The following SAMSN1 variants were observed in gnomAD, a reference collection of about 807,000 sequenced individuals.
SAMSN1 encodes the protein SAM domain, SH3 domain and nuclear localization signals 1, also known as SAM domain-containing protein SAMSN-1.
A neutral mutation model predicts 42.0 loss-of-function variants in SAMSN1; 31 were observed. That is an observed-to-expected ratio of 0.74 (90% CI 0.55 to 1.00). The LOEUF is 1.00. SAMSN1 is among the 50% of genes least tolerant of loss of function. The pLI is 0.00. For missense variants in SAMSN1, 464 were observed against 439.4 expected, an observed-to-expected ratio of 1.06 and a Z score of -0.50; for synonymous variants, 178 against 151.9, an observed-to-expected ratio of 1.17 and a Z score of -1.26.
chr21:14,600,193 C>T (rs1305094084), intron 6 of SAMSN1, among the ~76,000 whole-genome samples: 3 of 152,210 alleles, frequency 2.0e-5, no homozygotes, highest in Non-Finnish European at 2.9e-5. Flanking sequence ...TGACAAGCCA[C>T]TTTGCTACTC....
intron 2 of SAMSN1, chr21:14,619,738 G>A: frequency 4.1e-6 from 1 of 245,998 alleles, no homozygotes; most frequent in Non-Finnish European, 9.2e-6. Flanking sequence ...AGTTTTATGT[G>A]GCATAAACCT....
At chr21:14,561,905 A>C (rs762067945) in intron 2 of SAMSN1, among the ~76,000 whole-genome samples, 6 of 152,206 alleles carry the variant, frequency 3.9e-5, no homozygotes, top group South Asian at 2.1e-4. Context: ...GCCCAGGGCT[A>C]TCAGAAGCTG....
At chr21:14,609,797 T>C (rs1370117628) in intron 4 of SAMSN1, among the ~76,000 whole-genome samples, 4 of 152,202 alleles carry the variant, frequency 2.6e-5, no homozygotes, top group Non-Finnish European at 5.9e-5. Flanking sequence ...GGACATTTAT[T>C]AGTTCCCCAA....
chr21:14,491,268 CTT>C (rs112877047), intron 7 of SAMSN1, among the ~76,000 whole-genome samples: 8 of 144,834 alleles, frequency 5.5e-5, no homozygotes, highest in Admixed American at 2.1e-4. Context: ...CTGGCTTTCC[CTT>C]TTTTTTTTTT....
chr21:14,559,944 T>G (rs542203614), intron 2 of SAMSN1, among the ~76,000 whole-genome samples: 5 of 152,304 alleles, frequency 3.3e-5, no homozygotes, highest in Middle Eastern at 3.4e-3. Context: ...CTCATCTTAT[T>G]TGTTTAACAA....
intron 2 of SAMSN1, among the ~76,000 whole-genome samples, chr21:14,633,818 C>A (rs1886809222): frequency 6.6e-6 from 1 of 152,182 alleles, no homozygotes; most frequent in African/African-American, 2.4e-5. Flanking sequence ...AACTAACTAG[C>A]CATGAGGGGA....
rs1987638382 is a variant in SAMSN1 at position 14,510,423 on chromosome 21, C to A, written c.448G>T (p.Asp150Tyr). ...CCATCGTCATCCAGTCGAAAGCTGT[C>A]CCGGTTACTTGTACCATCTGAACAG... Reference protein sequence around the residue: ...TSCSDGTSNRDSFRLDDDGPY... With the variant: ...TSCSDGTSNRYSFRLDDDGPY... The change falls in exon 5 of 8, where the codon GAC (aspartate) becomes TAC (tyrosine). Residue 150 changes from aspartate to tyrosine, a missense_variant. Coordinates refer to ENST00000400566, the MANE Select transcript of SAMSN1 (RefSeq NM_022136.5). 1 of 1,614,134 alleles carries A rather than the reference C, an allele frequency of 6.2e-7. No homozygotes were observed. Among genetic ancestry groups the A allele is most frequent in the African/African-American group, 1.3e-5 (1 of 75,036 alleles).
At chr21:14,638,365 T>C (rs537069573) in intron 2 of SAMSN1, among the ~76,000 whole-genome samples, 8 of 152,348 alleles carry the variant, frequency 5.3e-5, no homozygotes, top group African/African-American at 1.9e-4. Flanking sequence ...TTTACACTTA[T>C]TGTCCATCTG....
At chr21:14,544,948 A>G (rs1980292228) in intron 1 of SAMSN1, among the ~76,000 whole-genome samples, 1 of 152,150 alleles carries the variant, frequency 6.6e-6, no homozygotes, top group Non-Finnish European at 1.5e-5. Flanking sequence ...TAAATATCAT[A>G]TAAAATTAAT....
intron 2 of SAMSN1, among the ~76,000 whole-genome samples, chr21:14,565,152 C>A (rs1045791401): frequency 2.0e-5 from 3 of 151,618 alleles, no homozygotes; most frequent in Non-Finnish European, 4.4e-5. Context: ...AAAAATTAGC[C>A]GGGCATGGTG....
chr21:14,527,670 G>A (rs375373550), intron 1 of SAMSN1, among the ~76,000 whole-genome samples: 5 of 149,834 alleles, frequency 3.3e-5, no homozygotes, highest in African/African-American at 9.8e-5. Context: ...CCATGCTAAA[G>A]ATTTGCTTTC....
chr21:14,657,578 G>T (rs923917376), intron 1 of SAMSN1, among the ~76,000 whole-genome samples: 2 of 151,784 alleles, frequency 1.3e-5, no homozygotes, highest in Non-Finnish European at 2.9e-5. Context: ...GAAAGCAATC[G>T]TCTTTGGTGC....
At chr21:14,532,821 G>T (rs923082597) in intron 1 of SAMSN1, among the ~76,000 whole-genome samples, 1 of 151,920 alleles carries the variant, frequency 6.6e-6, no homozygotes, top group South Asian at 2.1e-4. Context: ...AAAGATGATT[G>T]CTATGTAATA....
intron 1 of SAMSN1, among the ~76,000 whole-genome samples, chr21:14,527,184 T>A (rs117399263): frequency 0.025 from 3,762 of 152,326 alleles, 76 homozygotes; most frequent in Middle Eastern, 0.038. Flanking sequence ...GAATTCTGTT[T>A]CAGCACATCC....
At chr21:14,579,406 T>C (rs560121321) in intron 2 of SAMSN1, among the ~76,000 whole-genome samples, 1 of 152,302 alleles carries the variant, frequency 6.6e-6, no homozygotes, top group South Asian at 2.1e-4. Flanking sequence ...TCCCTACACC[T>C]ACACACATCC....
upstream of SAMSN1, among the ~76,000 whole-genome samples, chr21:14,546,570 T>C (rs1980404654): frequency 6.6e-6 from 1 of 151,368 alleles, no homozygotes; most frequent in South Asian, 2.1e-4. Flanking sequence ...TCTTGGTTTA[T>C]ATAAAAGTAA....
At chr21:14,499,931 T>C (rs1038725563) in intron 6 of SAMSN1, among the ~76,000 whole-genome samples, 1 of 152,212 alleles carries the variant, frequency 6.6e-6, no homozygotes, top group Non-Finnish European at 1.5e-5. Context: ...TGATACTAGG[T>C]GTAGTGTATG....
chr21:14,633,962 T>C (rs1983397265), intron 2 of SAMSN1, among the ~76,000 whole-genome samples: 1 of 152,216 alleles, frequency 6.6e-6, no homozygotes, highest in Non-Finnish European at 1.5e-5. Flanking sequence ...CTGGGAATAA[T>C]TTAATGGATT....
At position 14,581,344 on chromosome 21, in the gene SAMSN1, C is replaced by CTTTTTTTTTTTTTTTTTTTT. The variant is rs56728511; in HGVS notation, c.261+772_261+791dup. 1.4e-3 allele frequency among the ~76,000 whole-genome samples: 46 copies of CTTTTTTTTTTTTTTTTTTTT among 32,592 alleles called. 19 individuals carry two copies. Among genetic ancestry groups the CTTTTTTTTTTTTTTTTTTTT allele is most frequent in the African/African-American group, 1.8e-3 (18 of 9,770 alleles). The allele number at this position is 32,592 out of a possible 152,430, so 21.4% of individuals were successfully genotyped here. On this transcript the variant is annotated intron_variant, in intron 2 of 8. Coordinates refer to the SAMSN1 transcript ENST00000285670. ...TGTAAAATGAGGGGAAATAATATTT[C>CTTTTTTTTTTTTTTTTTTTT]TTTTTTTTTTTTTTTTTTTTTTTTT...
Sources: allele counts gnomAD v4.1 joint callset (sites outside exome capture counted in the v4.1 genomes callset), GRCh38; gene constraint gnomAD v4.1.1; transcripts MANE v1.5; gene names NCBI Gene and HGNC (gene_info 2026-07-23, HGNC 2026-07-21).